The following KRT3 variants were observed in gnomAD, a reference collection of about 807,000 sequenced individuals.
The protein encoded by KRT3 is keratin, type II cytoskeletal 3.
In KRT3, 34 loss-of-function variants were observed where a neutral mutation model predicts 45.8. That is an observed-to-expected ratio of 0.74 (90% confidence interval 0.57 to 0.99). The LOEUF (loss-of-function observed/expected upper bound fraction) is 0.99, where lower values mean the gene tolerates loss of function less well. Among genes scored for constraint, KRT3 ranks in the 50% least tolerant of loss-of-function variants. The probability of loss-of-function intolerance (pLI) is 0.00; values close to 1 mark genes in which losing one functional copy is unlikely to be tolerated. For missense variants in KRT3, 828 were observed against 820.6 expected, an observed-to-expected ratio of 1.01 and a Z score of -0.11; for synonymous variants, 367 against 329.0, an observed-to-expected ratio of 1.12 and a Z score of -1.25.
chr12:52,795,563 G>T lies in KRT3; in HGVS notation c.480C>A (p.Gly160=). 6.2e-7 allele frequency: 1 copy of T among 1,612,070 alleles called. No individual in the cohort carries two copies. The highest frequency in any genetic ancestry group is 8.5e-7 in the Non-Finnish European group (1 of 1,178,932). Reference sequence around the variant, plus strand: ...CCCCAGGAAAGCCCCCAGGGCCAAAGCCACCAGGACTGCCCAAGCTGCCAG... The same window carrying T: ...CCCCAGGAAAGCCCCCAGGGCCAAATCCACCAGGACTGCCCAAGCTGCCAG... ...GGPGSLGSPG[G]FGPGGFPGGI... is the part of the protein sequence containing the mutation. Residue 160 remains glycine, a synonymous_variant, in exon 1 of 9, where the codon GGC becomes GGA. Coordinates refer to ENST00000417996, the MANE Select transcript of KRT3 (RefSeq NM_057088.3).
intron 4 of KRT3, 77 bp from the exon 5 acceptor site, chr12:52,792,480 A>C: frequency 7.0e-7 from 1 of 1,418,778 alleles, no homozygotes; most frequent in South Asian, 1.2e-5. Flanking sequence ...ACTCTTGATC[A>C]ACAGTCTCAT....
Position 52,794,188 on chromosome 12 carries a change from G to A in KRT3, c.789C>T (p.Asp263=). 6.2e-7 allele frequency: 1 copy of A among 1,614,188 alleles called. No individual in the cohort carries two copies. Among genetic ancestry groups the A allele is most frequent in the Non-Finnish European group, 8.5e-7 (1 of 1,180,012 alleles). ...GGCGCCCTCTCTCCCCGAGGATGTTGTCCAGGTAGCTCCGCAGGTAGTTGA... is the reference window on the plus strand; with the variant it reads ...GGCGCCCTCTCTCCCCGAGGATGTTATCCAGGTAGCTCCGCAGGTAGTTGA... ...NHINYLRSYL[D]NILGERGRLD... is the part of the protein sequence containing the mutation. The change falls in exon 2 of 9, where the codon GAC becomes GAT. Residue 263 remains aspartate, a synonymous_variant. Transcript: ENST00000417996.
chr12:52,793,656 A>T (rs1372670039), intron 2 of KRT3, among the ~76,000 whole-genome samples: 1 of 152,026 alleles, frequency 6.6e-6, no homozygotes, highest in African/African-American at 2.4e-5. Context: ...CAGTGGTACA[A>T]TCTTGACTCA....
rs752040729 is a variant in KRT3 at position 52,790,207 on chromosome 12, A to G, written c.1722T>C (p.Gly574=). Residue 574 remains glycine, a synonymous_variant, in exon 9 of 9, where the codon GGT becomes GGC. Coordinates refer to ENST00000417996, the MANE Select transcript of KRT3 (RefSeq NM_057088.3). The part of the protein sequence containing the change: ...FGRGGGGGIG[G]GFGGGSSGFS... ...AACCGCTGCTGCCGCCGCCAAATCCACCGCCGATTCCACCGCCGCCTCCCC... is the reference window on the plus strand; with the variant it reads ...AACCGCTGCTGCCGCCGCCAAATCCGCCGCCGATTCCACCGCCGCCTCCCC... 1 of 1,462,192 alleles carries G rather than the reference A, an allele frequency of 6.8e-7. No homozygotes were observed. The highest frequency in any genetic ancestry group is 9.2e-7 in the Non-Finnish European group (1 of 1,091,296). 90.6% of individuals were successfully genotyped at this position (1,462,192 alleles called of 1,614,324 possible). A position where few individuals can be genotyped will look rare whatever the true frequency, so the allele number is the denominator to read the frequency against.
In KRT3 at chr12:52,792,299, T is replaced by C; in HGVS notation, c.1128A>G (p.Ala376=). 6.2e-7 allele frequency: 1 copy of C among 1,614,128 alleles called. No individual in the cohort carries two copies. The highest frequency in any genetic ancestry group is 1.1e-5 in the South Asian group (1 of 91,076). Residue 376 remains alanine, a synonymous_variant, in exon 5 of 9, where the codon GCA becomes GCG. Coordinates refer to ENST00000417996, the MANE Select transcript of KRT3 (RefSeq NM_057088.3). ...TTCTCTGAGCGATATCCTCATACTG[T>C]GCACGAACTTCAGCAATGATGCTGT... ...DLDSIIAEVR[A]QYEDIAQRSK...
At chr12:52,794,017 G>A (rs111798534) in intron 2 of KRT3, 94 bp downstream of exon 2, 26 of 915,080 alleles carry the variant, frequency 2.8e-5, no homozygotes, top group East Asian at 4.8e-5. Flanking sequence ...GCCAGGAGAC[G>A]CCACTGCCCA....
At chr12:52,793,055 C>T in intron 3 of KRT3, 108 bp downstream of exon 3, 1 of 860,362 alleles carries the variant, frequency 1.2e-6, no homozygotes, top group Non-Finnish European at 1.9e-6. Context: ...GTTTATTGCT[C>T]CAAAGGCCTG....
Position 52,791,283 on chromosome 12 carries a change from C to A in KRT3, c.1458G>T (p.Gln486His). 1.2e-6 allele frequency: 2 copies of A among 1,614,258 alleles called. No homozygotes were observed. The highest frequency in any genetic ancestry group is 1.7e-6 in the Non-Finnish European group (2 of 1,180,042). ...GGGCCAGCTTGACATTCATCAGCTCCTGGTAGTCACGTAGCAGCCGCGCCA... is the reference window on the plus strand; with the variant it reads ...GGGCCAGCTTGACATTCATCAGCTCATGGTAGTCACGTAGCAGCCGCGCCA... Reference protein sequence around the residue: ...DDLARLLRDYQELMNVKLALD... With the variant: ...DDLARLLRDYHELMNVKLALD... The change falls in exon 7 of 9, where the codon CAG becomes CAT. Residue 486 changes from glutamine (Q) to histidine (H), a missense_variant. Physicochemically the swap from Gln to His is conservative, Grantham distance 24. Coordinates refer to ENST00000417996, the MANE Select transcript of KRT3 (RefSeq NM_057088.3).
At position 52,795,509 on chromosome 12, in the gene KRT3, A is replaced by G; in HGVS notation, c.534T>C (p.Ser178=). ...GGIQEVTINQ[S]LLQPLNVEID... ...TCTCCACATTGAGGGGCTGCAGGAGACTCTGGTTGATAGTCACTTCCTGAA... is the reference window on the plus strand; with the variant it reads ...TCTCCACATTGAGGGGCTGCAGGAGGCTCTGGTTGATAGTCACTTCCTGAA... Residue 178 remains serine (S), a synonymous_variant, in exon 1 of 9, where the codon AGT becomes AGC. Transcript: ENST00000417996. The G allele has an allele frequency of 6.2e-7, 1 of 1,613,720 alleles. No individual in the cohort carries two copies. Among genetic ancestry groups the G allele is most frequent in the Non-Finnish European group, 8.5e-7 (1 of 1,179,914 alleles).
intron 2 of KRT3, 83 bp downstream of exon 2, chr12:52,794,028 G>C (rs1939583769): frequency 1.9e-6 from 2 of 1,043,536 alleles, no homozygotes; most frequent in Non-Finnish European, 2.9e-6. Flanking sequence ...CCACTGCCCA[G>C]CAGTCAGGGG....
chr12:52,792,867 G>T, intron 3 of KRT3, 61 bp from the exon 4 acceptor site: 4 of 1,128,412 alleles, frequency 3.5e-6, no homozygotes, highest in Non-Finnish European at 4.0e-6. Context: ...AACCACAACT[G>T]CAGCAAGAAA....
Position 52,795,337 on chromosome 12 carries a change from C to T in KRT3, c.645+61G>A, listed in dbSNP as rs145773562. ...TCCAAGAAACATTTAAACACTGTGT[C>T]CCAAAGGTCAAATTCAAAGTCCCCA... On this transcript the variant is annotated intron_variant, in intron 1 of 8. Transcript: ENST00000417996. 1,028 of 1,596,918 alleles carry T rather than the reference C, an allele frequency of 6.4e-4. 2 individuals carry two copies. In the African/African-American group the frequency reaches 0.01, roughly 16 times the overall value.
chr12:52,790,799 G>A, intron 8 of KRT3, 39 bp downstream of exon 8: 4 of 1,524,924 alleles, frequency 2.6e-6, no homozygotes, highest in Non-Finnish European at 9.0e-7. Context: ...AGATATTTCA[G>A]AATTAACTCT....
Position 52,792,841 on chromosome 12 carries a change from C to T in KRT3, c.928-35G>A, listed in dbSNP as rs752464406. ...GAGGAAGATAAAGGCCTTATTCTCC[C>T]AATGAACAAACAGCAAACCACAACT... is the stretch of plus-strand genomic sequence containing the variant. On this transcript the variant is annotated intron_variant, in intron 3 of 8. Coordinates refer to ENST00000417996, the MANE Select transcript of KRT3 (RefSeq NM_057088.3). 6 of 1,394,258 alleles carry T rather than the reference C, an allele frequency of 4.3e-6. 1 individual carries two copies. The highest frequency in any genetic ancestry group is 1.7e-5 in the Admixed American group (1 of 58,970). 86.4% of individuals were successfully genotyped at this position (1,394,258 alleles called of 1,614,324 possible). A position where few individuals can be genotyped will look rare whatever the true frequency, so the allele number is the denominator to read the frequency against.
chr12:52,793,566 T>G (rs1939574527), intron 2 of KRT3, among the ~76,000 whole-genome samples: 1 of 152,018 alleles, frequency 6.6e-6, no homozygotes, highest in African/African-American at 2.4e-5. Context: ...AGGAAATGCT[T>G]CCCCAACTCT....
At position 52,796,076 on chromosome 12, in the gene KRT3, T is replaced by C; in HGVS notation, c.-34A>G. On this transcript the variant is annotated 5_prime_UTR_variant, in exon 1 of 9. Coordinates refer to ENST00000417996, the MANE Select transcript of KRT3 (RefSeq NM_057088.3). The stretch of plus-strand genomic sequence containing the variant: ...GCTTGGCGAAGAGAAGAGTGTAAGT[T>C]AAGCAGGGACACTGAGAGTCAGAGG... 6.2e-7 allele frequency: 1 copy of C among 1,607,602 alleles called. No individual in the cohort carries two copies. The highest frequency in any genetic ancestry group is 1.7e-5 in the Admixed American group (1 of 59,926).
chr12:52,792,908 T>C, intron 3 of KRT3, 102 bp from the exon 4 acceptor site: 1 of 808,892 alleles, frequency 1.2e-6, no homozygotes, highest in South Asian at 1.6e-5. Context: ...GTGATGGTCC[T>C]TGTCTAAGAC....
intron 4 of KRT3, 147 bp downstream of exon 4, chr12:52,792,564 G>C: frequency 1.1e-6 from 1 of 950,302 alleles, no homozygotes; most frequent in Non-Finnish European, 1.7e-6. Context: ...CATGTCTGCA[G>C]CTTATCCTGT....
At chr12:52,792,487 TCA>T in intron 4 of KRT3, 84 bp from the exon 5 acceptor site, 1 of 1,351,660 alleles carries the variant, frequency 7.4e-7, no homozygotes, top group Non-Finnish European at 1.0e-6. Flanking sequence ...ATCAACAGTC[TCA>T]TTCACTGATT....
Sources: gnomAD v4.1 joint callset for allele counts (sites outside exome capture counted in the v4.1 genomes callset) on GRCh38, gnomAD v4.1.1 for gene constraint, MANE v1.5 for transcripts, NCBI Gene and HGNC (gene_info 2026-07-23, HGNC 2026-07-21) for gene names.